Variants in FAF1 observed in about 807,000 individuals in gnomAD.
FAF1 encodes Fas associated factor 1.
In FAF1, 25 loss-of-function variants were observed where a neutral mutation model predicts 92.5. That is an observed-to-expected ratio of 0.27 (90% CI 0.20 to 0.38). The LOEUF (loss-of-function observed/expected upper bound fraction) is 0.38. Ranked by LOEUF, FAF1 falls within the 10% of genes least tolerant of loss-of-function variation. The pLI is 1.00. For missense variants in FAF1, 636 were observed against 793.3 expected, an observed-to-expected ratio of 0.80 and a Z score of 2.38; for synonymous variants, 234 against 273.2, an observed-to-expected ratio of 0.86 and a Z score of 1.42.
At chr1:50,867,946 G>C (rs1045297673) in intron 1 of FAF1, among the ~76,000 whole-genome samples, 1 of 152,076 alleles carries the variant, frequency 6.6e-6, no homozygotes, top group Admixed American at 6.6e-5. Flanking sequence ...ATCAATCAAT[G>C]AGTGAATAAA....
At chr1:50,886,620 C>A (rs546322823) in intron 1 of FAF1, among the ~76,000 whole-genome samples, 1 of 151,558 alleles carries the variant, frequency 6.6e-6, no homozygotes, top group Non-Finnish European at 1.5e-5. Flanking sequence ...TGAGTGAGAA[C>A]ATGTGGTGTT....
intron 1 of FAF1, among the ~76,000 whole-genome samples, chr1:50,910,464 A>C (rs915960111): frequency 6.6e-6 from 1 of 152,110 alleles, no homozygotes; most frequent in African/African-American, 2.4e-5. Context: ...CTTTTGTTCA[A>C]CTGTGCCCTG....
intron 17 of FAF1, among the ~76,000 whole-genome samples, chr1:50,488,560 C>G (rs1646793440): frequency 6.6e-6 from 1 of 152,126 alleles, no homozygotes; most frequent in South Asian, 2.1e-4. Context: ...CTTGAAATAG[C>G]CTAAAAGGAT....
chr1:50,861,201 G>C (rs1282090176), intron 1 of FAF1, among the ~76,000 whole-genome samples: 3 of 151,772 alleles, frequency 2.0e-5, no homozygotes, highest in Non-Finnish European at 4.4e-5. Context: ...TGTACTCCCT[G>C]AATCTAAAAC....
At chr1:50,544,030 C>G (rs1004128002) in intron 13 of FAF1, among the ~76,000 whole-genome samples, 4 of 152,090 alleles carry the variant, frequency 2.6e-5, no homozygotes, top group Non-Finnish European at 4.4e-5. Flanking sequence ...GATTGCTAAA[C>G]TAGCTTAATG....
chr1:50,583,607 G>A lies in FAF1; in HGVS notation c.1031+45C>T. On this transcript the variant is annotated intron_variant, in intron 11 of 18. Transcript: ENST00000396153. This position sits in a 1 kb window ranked among gnomAD's most constrained non-coding sequence, Gnocchi z 4.2. ...AAATTGCCCAAGAAAAATCACAGTAGCATAAAACAGCATCAAATTTATATA... is the reference window on the plus strand; with the variant it reads ...AAATTGCCCAAGAAAAATCACAGTAACATAAAACAGCATCAAATTTATATA... The A allele has an allele frequency of 1.7e-6, 2 of 1,189,348 alleles. No individual in the cohort carries two copies. The highest frequency in any genetic ancestry group is 2.4e-6 in the Non-Finnish European group (2 of 848,738). 73.7% of individuals were successfully genotyped at this position (1,189,348 alleles called of 1,614,324 possible).
intron 7 of FAF1, among the ~76,000 whole-genome samples, chr1:50,657,722 A>G (rs1655187540): frequency 6.6e-6 from 1 of 152,240 alleles, no homozygotes; most frequent in Non-Finnish European, 1.5e-5. Flanking sequence ...CTAAGTTACC[A>G]TTCCAGTGAA....
intron 13 of FAF1, among the ~76,000 whole-genome samples, chr1:50,544,159 T>C (rs564657825): frequency 6.6e-6 from 1 of 152,198 alleles, no homozygotes; most frequent in Admixed American, 6.5e-5. Context: ...ATTTCCACAC[T>C]AAGAATTAAG....
chr1:50,760,936 G>A (rs10888707), intron 4 of FAF1, among the ~76,000 whole-genome samples: 70,606 of 151,726 alleles, frequency 0.47, 18,452 homozygotes, highest in African/African-American at 0.7. Context: ...TTGATAGACC[G>A]CTAGCAAGAC....
At chr1:50,809,112 T>C (rs1381928221) in intron 2 of FAF1, among the ~76,000 whole-genome samples, 2 of 152,086 alleles carry the variant, frequency 1.3e-5, no homozygotes, top group Admixed American at 6.5e-5. Context: ...CTCTGGGACA[T>C]AGCTAAAGCA....
intron 1 of FAF1, among the ~76,000 whole-genome samples, chr1:50,938,794 C>T (rs761236698): frequency 1.3e-5 from 2 of 152,182 alleles, no homozygotes; most frequent in Non-Finnish European, 2.9e-5. Flanking sequence ...CTTCTGCATA[C>T]AGCTAGTTAT....
chr1:50,588,476 T>A (rs956226019), intron 9 of FAF1, among the ~76,000 whole-genome samples: 1 of 152,172 alleles, frequency 6.6e-6, no homozygotes, highest in African/African-American at 2.4e-5. Context: ...TCTTCCAGAC[T>A]TTATGGGCTG....
At chr1:50,822,774 C>CA (rs1644055797) in intron 2 of FAF1, among the ~76,000 whole-genome samples, 1 of 125,234 alleles carries the variant, frequency 8.0e-6, no homozygotes, top group Non-Finnish European at 1.7e-5. Context: ...TTCTTTCTTT[C>CA]TTTTTTTTTT....
chr1:50,676,178 C>A (rs1228648423), intron 7 of FAF1, among the ~76,000 whole-genome samples: 1 of 151,938 alleles, frequency 6.6e-6, no homozygotes, highest in East Asian at 1.9e-4. Flanking sequence ...AGGCCGAGGC[C>A]AGCAGATCAC....
At chr1:50,527,652 T>A (rs908006308) in intron 15 of FAF1, among the ~76,000 whole-genome samples, 4 of 152,240 alleles carry the variant, frequency 2.6e-5, no homozygotes, top group African/African-American at 9.6e-5. Flanking sequence ...AACTGATTCT[T>A]ACTTTGCACA....
intron 6 of FAF1, among the ~76,000 whole-genome samples, chr1:50,707,202 CAAAAAAAAA>C (rs397862445): frequency 9.4e-6 from 1 of 106,900 alleles, no homozygotes; most frequent in Non-Finnish European, 1.9e-5. Context: ...GACTCTGTGT[CAAAAAAAAA>C]AAAAAAAAAG....
chr1:50,734,860 G>C (rs369511509), intron 6 of FAF1, among the ~76,000 whole-genome samples: 2 of 152,156 alleles, frequency 1.3e-5, no homozygotes, highest in South Asian at 4.1e-4. Context: ...TTGCTAAATA[G>C]AGATTTGTAA....
chr1:50,545,768 C>T (rs1231348221), intron 13 of FAF1, among the ~76,000 whole-genome samples: 1 of 152,190 alleles, frequency 6.6e-6, no homozygotes, highest in Non-Finnish European at 1.5e-5. Context: ...ATCACACATA[C>T]TCTTAAACAA....
intron 4 of FAF1, chr1:50,781,263 G>C (rs1266442277): frequency 6.5e-6 from 1 of 153,860 alleles, no homozygotes; most frequent in Non-Finnish European, 1.4e-5. Flanking sequence ...TTTCATGATT[G>C]GCTTAAAGTG....
Sources: allele counts gnomAD v4.1 joint callset (sites outside exome capture counted in the v4.1 genomes callset), GRCh38; gene constraint gnomAD v4.1.1; non-coding constraint Gnocchi (gnomAD v3.1); transcripts MANE v1.5; gene names NCBI Gene and HGNC (gene_info 2026-07-23, HGNC 2026-07-21).